CDH10: variants seen among roughly 807,000 people sequenced by gnomAD.
CDH10 encodes the protein cadherin 10.
In CDH10, 30 loss-of-function variants were observed where a neutral mutation model predicts 73.1. The observed-to-expected ratio is 0.41, with a 90% CI of 0.31 to 0.56. CDH10 has a LOEUF of 0.56. CDH10 is among the 20% of genes least tolerant of loss of function. CDH10 has a pLI of 0.27. For missense variants in CDH10, 815 were observed against 973.7 expected (o/e 0.84, Z 2.17); for synonymous variants, 345 against 348.2 (o/e 0.99, Z 0.10).
At chr5:24,574,925 T>A (rs1745541111) in intron 2 of CDH10, among the ~76,000 whole-genome samples, 1 of 151,866 alleles carries the variant, frequency 6.6e-6, no homozygotes, top group African/African-American at 2.4e-5. Context: ...AAAGATACCT[T>A]AAATGTAAAT....
intron 1 of CDH10, among the ~76,000 whole-genome samples, chr5:24,640,718 T>C (rs986096861): frequency 6.6e-6 from 1 of 151,922 alleles, no homozygotes; most frequent in African/African-American, 2.4e-5. Context: ...CCTAAAATGA[T>C]GTAAAATGTG....
chr5:24,569,840 G>C (rs1447268605), intron 2 of CDH10, among the ~76,000 whole-genome samples: 1 of 151,682 alleles, frequency 6.6e-6, no homozygotes, highest in Non-Finnish European at 1.5e-5. Context: ...TTTGCTCACT[G>C]CAACTTCTGC....
chr5:24,561,909 T>G (rs760983763), intron 2 of CDH10, among the ~76,000 whole-genome samples: 1 of 152,072 alleles, frequency 6.6e-6, no homozygotes, highest in African/African-American at 2.4e-5. Flanking sequence ...CTACGAACCA[T>G]GCACAGAAAC....
intron 8 of CDH10, among the ~76,000 whole-genome samples, chr5:24,502,017 C>T (rs141435147): frequency 0.016 from 2,393 of 151,400 alleles, 49 homozygotes; most frequent in East Asian, 0.09. Context: ...CTCCCGGGTT[C>T]ACGCCATTCT....
At chr5:24,549,257 G>A (rs1486727490) in intron 2 of CDH10, among the ~76,000 whole-genome samples, 4 of 152,130 alleles carry the variant, frequency 2.6e-5, no homozygotes, top group African/African-American at 7.2e-5. Flanking sequence ...TTTCTAGAAG[G>A]AGAAAGAGTA....
intron 9 of CDH10, among the ~76,000 whole-genome samples, chr5:24,496,050 A>G (rs968523406): frequency 6.6e-6 from 1 of 152,126 alleles, no homozygotes; most frequent in Admixed American, 6.5e-5. Flanking sequence ...ATTTAAAGTG[A>G]CAAAACTGGT....
intron 2 of CDH10, among the ~76,000 whole-genome samples, chr5:24,538,755 G>C (rs910380468): frequency 6.6e-6 from 1 of 152,018 alleles, no homozygotes; most frequent in Admixed American, 6.6e-5. Context: ...TGGGCCCAAT[G>C]ACCTTGAGAA....
chr5:24,586,316 A>G (rs1291499513), intron 2 of CDH10, among the ~76,000 whole-genome samples: 1 of 152,014 alleles, frequency 6.6e-6, no homozygotes, highest in African/African-American at 2.4e-5. Context: ...CCCTTTGCCT[A>G]CTGTGGATTA....
At chr5:24,493,024 T>C (rs970929573) in intron 9 of CDH10, 99 bp from the exon 10 acceptor site, 9 of 636,472 alleles carry the variant, frequency 1.4e-5, no homozygotes, top group African/African-American at 1.3e-4. Context: ...TTCAAAATAA[T>C]TGACTTTTAT....
chr5:24,526,382 T>C (rs147384115), intron 5 of CDH10, among the ~76,000 whole-genome samples: 202 of 152,112 alleles, frequency 1.3e-3, no homozygotes, highest in Admixed American at 6.0e-3. Context: ...CCTGGTTCTG[T>C]CATGCTAAAC....
chr5:24,565,389 C>T (rs1235743177), intron 2 of CDH10, among the ~76,000 whole-genome samples: 3 of 151,998 alleles, frequency 2.0e-5, no homozygotes, highest in Non-Finnish European at 2.9e-5. Flanking sequence ...TCTAACATAC[C>T]ATGCCTTTTA....
At chr5:24,488,840 T>C (rs1188281221) in intron 11 of CDH10, among the ~76,000 whole-genome samples, 1 of 136,708 alleles carries the variant, frequency 7.3e-6, no homozygotes, top group African/African-American at 2.8e-5. Flanking sequence ...AAAGAGTAAA[T>C]TTCTCAAATT....
intron 1 of CDH10, among the ~76,000 whole-genome samples, chr5:24,596,024 T>C (rs1484291580): frequency 1.3e-5 from 2 of 151,930 alleles, no homozygotes; most frequent in Admixed American, 6.6e-5. Context: ...GCAAGATAAT[T>C]AGAAAGTATA....
At chr5:24,525,570 G>A (rs1743501044) in intron 5 of CDH10, among the ~76,000 whole-genome samples, 1 of 152,002 alleles carries the variant, frequency 6.6e-6, no homozygotes, top group South Asian at 2.1e-4. Flanking sequence ...TCCTTGGAGG[G>A]AACTGCAGAG....
In CDH10 at chr5:24,589,932, C is replaced by T. The variant is rs183741432; in HGVS notation, c.231+3328G>A. 2.4e-4 allele frequency among the ~76,000 whole-genome samples: 37 copies of T among 152,058 alleles called. 2 individuals are homozygous for T. Among genetic ancestry groups the T allele is most frequent in the African/African-American group, 5.3e-4 (22 of 41,492 alleles). On this transcript the variant is annotated intron_variant, in intron 2 of 11. Coordinates refer to ENST00000264463, the MANE Select transcript of CDH10 (RefSeq NM_006727.5). ...TTTCAAAAGTAGGTTCCTTGAAGTT[C>T]AACATGTGAAGCTCTTGCCTTGGAA...
intron 2 of CDH10, among the ~76,000 whole-genome samples, chr5:24,593,028 T>C (rs931732882): frequency 1.3e-4 from 20 of 151,810 alleles, no homozygotes; most frequent in African/African-American, 4.8e-4. Flanking sequence ...ACCTCTTTAA[T>C]CCATAAGTTA....
chr5:24,542,245 T>C (rs917538431), intron 2 of CDH10, among the ~76,000 whole-genome samples: 7 of 152,134 alleles, frequency 4.6e-5, no homozygotes, highest in African/African-American at 1.7e-4. Flanking sequence ...GGAAATGAAA[T>C]AAGCTTACAC....
chr5:24,592,478 T>G (rs1185829057), intron 2 of CDH10, among the ~76,000 whole-genome samples: 1 of 151,844 alleles, frequency 6.6e-6, no homozygotes, highest in Non-Finnish European at 1.5e-5. Flanking sequence ...CAACTAAGCC[T>G]TTATCTAACT....
rs1197303220 is a variant in CDH10, at chr5:24,531,100, T to C, written c.814+4012A>G. Among the ~76,000 whole-genome samples the C allele has an allele frequency of 2.6e-5, 4 of 152,148 alleles. No individual in the cohort carries two copies. The East Asian group carries it at 7.7e-4, about 29-fold the overall frequency. On this transcript the variant is annotated intron_variant, in intron 5 of 11. Transcript: ENST00000264463. ...CTCAGGATTTCCCACATGCTGATCT[T>C]TTTGCTTAGTGGATTTCTCCCTCTA... is the stretch of plus-strand genomic sequence containing the variant.
Sources: allele counts gnomAD v4.1 joint callset (sites outside exome capture counted in the v4.1 genomes callset), GRCh38; gene constraint gnomAD v4.1.1; transcripts MANE v1.5; gene names NCBI Gene and HGNC (gene_info 2026-07-23, HGNC 2026-07-21).